ZNF345: variants seen among roughly 807,000 people sequenced by gnomAD.
ZNF345 encodes the protein zinc finger protein 345.
For synonymous variants in ZNF345, 166 were observed against 187.9 expected (o/e 0.88, Z 0.95); for missense variants, 527 against 589.9 (o/e 0.89, Z 1.10).
Position 36,877,980 on chromosome 19 carries a change from A to G in ZNF345, c.1150A>G (p.Lys384Glu). ...ECGKAFGSGS[K>E]LIQHQLIHTG... is the part of the protein sequence containing the mutation. ...TGGGAAGGCCTTTGGTAGTGGCTCA[A>G]AACTTATCCAACACCAGCTAATCCA... Residue 384 changes from lysine to glutamate, a missense_variant, in exon 3 of 3, where the codon AAA (lysine) becomes GAA (glutamate). By Grantham distance (56) the Lys-to-Glu change is moderately conservative (BLOSUM62 1). Transcript: ENST00000420450. 2 of 1,613,916 alleles carry G rather than the reference A, an allele frequency of 1.2e-6. No individual in the cohort carries two copies. Among genetic ancestry groups the G allele is most frequent in the South Asian group, 1.1e-5 (1 of 91,070 alleles).
chr19:36,873,030 T>C (rs559008), intron 2 of ZNF345, among the ~76,000 whole-genome samples: 38,075 of 152,058 alleles, frequency 0.25, 7,169 homozygotes, highest in African/African-American at 0.53. Context: ...TGTTGCTTGA[T>C]CTCCCATATT....
chr19:36,873,070 G>A (rs11878527), intron 2 of ZNF345, among the ~76,000 whole-genome samples: 2,970 of 152,004 alleles, frequency 0.02, 43 homozygotes, highest in African/African-American at 0.045. Flanking sequence ...TATCTTTTTT[G>A]TATGGGTTTT....
downstream of ZNF345, among the ~76,000 whole-genome samples, chr19:36,884,328 G>T (rs2072984872): frequency 1.3e-5 from 2 of 152,112 alleles, no homozygotes; most frequent in South Asian, 2.1e-4. Flanking sequence ...AAAGTGCTGG[G>T]ATTACAGGCA....
At chr19:36,891,485 C>T in intron 3 of ZNF345, 1 of 1,531,080 alleles carries the variant, frequency 6.5e-7, no homozygotes, top group Non-Finnish European at 8.7e-7. Flanking sequence ...TCTTACTTTA[C>T]TGTCATTCAA....
intron 2 of ZNF345, chr19:36,872,498 C>T (rs1473321041): frequency 6.6e-6 from 1 of 152,292 alleles, no homozygotes; most frequent in Non-Finnish European, 1.5e-5. Context: ...TAGCACCTCT[C>T]TCGACCCTCT....
intron 2 of ZNF345, among the ~76,000 whole-genome samples, chr19:36,869,188 C>G (rs549838966): frequency 6.6e-6 from 1 of 151,978 alleles, no homozygotes; most frequent in Non-Finnish European, 1.5e-5. Context: ...TGACTCCCTC[C>G]CCCTCCCCCC....
intron 2 of ZNF345, among the ~76,000 whole-genome samples, chr19:36,857,442 G>T (rs1324107159): frequency 6.6e-6 from 1 of 152,038 alleles, no homozygotes; most frequent in African/African-American, 2.4e-5. Flanking sequence ...GAGTAGCTGG[G>T]ACTACAGGCG....
chr19:36,892,985 C>A (rs897155037), exon 4 of ZNF345: 8 of 424,192 alleles, frequency 1.9e-5, no homozygotes, highest in Non-Finnish European at 2.8e-5. Context: ...ATGCACCATG[C>A]GTGAGATATT....
chr19:36,864,550 G>C (rs8101749), intron 2 of ZNF345, among the ~76,000 whole-genome samples: 2 of 151,956 alleles, frequency 1.3e-5, no homozygotes, highest in East Asian at 3.9e-4. Flanking sequence ...AAAATAATAA[G>C]AGCAGCCACT....
At chr19:36,869,833 C>T (rs2072738169) in intron 2 of ZNF345, among the ~76,000 whole-genome samples, 1 of 150,758 alleles carries the variant, frequency 6.6e-6, no homozygotes, top group South Asian at 2.1e-4. Context: ...GTGATCTCGG[C>T]TCACTGCAAG....
chr19:36,880,433 G>C (rs376575283), downstream of ZNF345, among the ~76,000 whole-genome samples: 1 of 91,586 alleles, frequency 1.1e-5, no homozygotes, highest in South Asian at 3.2e-4. Flanking sequence ...AAAAAAACTA[G>C]CAGTTTTCTC....
chr19:36,876,712 C>T lies in ZNF345; in HGVS notation c.-46-73C>T, dbSNP rs895054470. On this transcript the variant is annotated intron_variant, in intron 2 of 2. Transcript: ENST00000420450. Reference sequence around the variant, plus strand: ...AAAATTAAATTGTAGTTAAGTCTTTCGTATCTATTATAAACGTTTAATCTC... The same window carrying T: ...AAAATTAAATTGTAGTTAAGTCTTTTGTATCTATTATAAACGTTTAATCTC... The T allele has an allele frequency of 2.6e-5, 26 of 994,452 alleles. 1 individual carries two copies. The South Asian group carries it at 2.6e-4, about 10-fold the overall frequency. 61.6% of individuals were successfully genotyped at this position (994,452 alleles called of 1,614,324 possible). A position where few individuals can be genotyped will look rare whatever the true frequency, so the allele number is the denominator to read the frequency against.
intron 3 of ZNF345, among the ~76,000 whole-genome samples, chr19:36,885,607 T>C (rs975060835): frequency 6.6e-6 from 1 of 152,052 alleles, no homozygotes; most frequent in African/African-American, 2.4e-5. Flanking sequence ...TACAAACTTA[T>C]GAAGGTATTC....
chr19:36,853,556 G>T (rs2072336967), intron 2 of ZNF345, among the ~76,000 whole-genome samples: 1 of 152,140 alleles, frequency 6.6e-6, no homozygotes, highest in African/African-American at 2.4e-5. Flanking sequence ...AAGCTTTCTA[G>T]GGTAGGCTTT....
Position 36,877,015 on chromosome 19 carries a change from T to C in ZNF345, c.185T>C (p.Leu62Pro). The change falls in exon 3 of 3, where the codon CTT becomes CCT. Residue 62 changes from leucine (L) to proline (P), a missense_variant. Transcript: ENST00000420450. ...AGAATTCATACTGATGAGAAACTCC[T>C]TGAATGTAAGGAATGTGGGAAGGAT... ...HQRIHTDEKL[L>P]ECKECGKDFS... 1 of 1,614,134 alleles carries C rather than the reference T, an allele frequency of 6.2e-7. No individual in the cohort carries two copies. The highest frequency in any genetic ancestry group is 8.5e-7 in the Non-Finnish European group (1 of 1,180,010).
chr19:36,866,594 C>T (rs996097693), intron 2 of ZNF345, among the ~76,000 whole-genome samples: 1 of 152,128 alleles, frequency 6.6e-6, no homozygotes, highest in East Asian at 1.9e-4. Flanking sequence ...CTGTTGCCCA[C>T]GCTAGAGTGT....
chr19:36,854,827 A>G (rs1420364188), intron 2 of ZNF345, among the ~76,000 whole-genome samples: 2 of 148,342 alleles, frequency 1.3e-5, no homozygotes, highest in Non-Finnish European at 3.0e-5. Context: ...TACTCTTCTC[A>G]CTTATCAGAT....
At chr19:36,863,451 C>T (rs1041600802) in intron 2 of ZNF345, among the ~76,000 whole-genome samples, 2 of 152,184 alleles carry the variant, frequency 1.3e-5, no homozygotes, top group Non-Finnish European at 2.9e-5. Context: ...GAGAGATCCC[C>T]ACAGTGATTT....
chr19:36,880,157 TAAAAATAC>T (rs1291888043), downstream of ZNF345, among the ~76,000 whole-genome samples: 1 of 151,688 alleles, frequency 6.6e-6, no homozygotes, highest in Non-Finnish European at 1.5e-5. Flanking sequence ...CCATCTCTAT[TAAAAATAC>T]AAAAATTAGC....
Sources: allele counts gnomAD v4.1 joint callset (sites outside exome capture counted in the v4.1 genomes callset), GRCh38; gene constraint gnomAD v4.1.1; transcripts MANE v1.5; gene names NCBI Gene and HGNC (gene_info 2026-07-23, HGNC 2026-07-21).